Variants in MGA observed in about 807,000 individuals in gnomAD.
MGA encodes the protein MAX gene-associated protein.
Under a neutral mutation model 261.1 loss-of-function variants are expected in MGA, and 40 were observed. The ratio of observed to expected loss-of-function variants is 0.15; its 90% CI spans 0.12 to 0.20. The LOEUF (loss-of-function observed/expected upper bound fraction) is 0.20, where lower values mean the gene tolerates loss of function less well. Among genes scored for constraint, MGA ranks in the 10% least tolerant of loss-of-function variants. MGA has a pLI of 1.00. For synonymous variants in MGA, 1,302 were observed against 1,290.6 expected (o/e 1.01, Z -0.19); for missense variants, 3,397 against 3,630.5 (o/e 0.94, Z 1.65).
intron 5 of MGA, 22 bp downstream of exon 5, chr15:41,699,181 T>C: frequency 6.9e-7 from 1 of 1,450,368 alleles, no homozygotes; most frequent in Non-Finnish European, 9.3e-7. Context: ...GCGACTTCTT[T>C]TTTTTTGTTT....
At chr15:41,652,630 C>T (rs2057090294) in intron 1 of MGA, among the ~76,000 whole-genome samples, 1 of 151,388 alleles carries the variant, frequency 6.6e-6, no homozygotes, top group South Asian at 2.1e-4. Flanking sequence ...TCTTGGCCTA[C>T]CAAAGTGCTG....
intron 8 of MGA, among the ~76,000 whole-genome samples, chr15:41,711,991 G>A (rs1418413448): frequency 1.3e-5 from 2 of 151,886 alleles, no homozygotes; most frequent in Admixed American, 6.6e-5. Context: ...CACCACGCCC[G>A]GCCTGAAAAT....
chr15:41,766,340 G>A lies in MGA; in HGVS notation c.8258G>A (p.Gly2753Glu), dbSNP rs2063796268. 8 of 1,613,834 alleles carry A rather than the reference G, an allele frequency of 5.0e-6. No homozygotes were observed. Among genetic ancestry groups the A allele is most frequent in the Non-Finnish European group, 5.1e-6 (6 of 1,179,820 alleles). The change falls in exon 24 of 24, where the codon GGG becomes GAG. Residue 2753 changes from glycine to glutamate, a missense_variant. Around this residue, in one of 9 missense-constraint regions of MGA, gnomAD observed 647 missense variants for 642.4 expected, o/e 1.01. Transcript: ENST00000219905. ...AAAAAGATTTCTGGTGATATGAGAGGGATTCAGTATAAATGGAAAGAGAGT... is the reference window on the plus strand; with the variant it reads ...AAAAAGATTTCTGGTGATATGAGAGAGATTCAGTATAAATGGAAAGAGAGT...
intron 2 of MGA, among the ~76,000 whole-genome samples, chr15:41,678,719 A>G (rs1219825694): frequency 6.6e-6 from 1 of 150,496 alleles, no homozygotes; most frequent in Non-Finnish European, 1.5e-5. Flanking sequence ...GTGAGCTGAG[A>G]TTGCACCACT....
intron 23 of MGA, among the ~76,000 whole-genome samples, chr15:41,765,692 T>C (rs1186528423): frequency 1.3e-5 from 2 of 152,232 alleles, no homozygotes; most frequent in Non-Finnish European, 2.9e-5. Flanking sequence ...AGCAGTTAAT[T>C]AGGTGAACAG....
chr15:41,765,904 C>T lies in MGA; in HGVS notation c.7922-100C>T. ...ATAAAAGTAGAGTGCTGAATTTAGA[C>T]TACAAATCCCTAAGATGGTTATATG... is the stretch of plus-strand genomic sequence containing the variant. On this transcript the variant is annotated intron_variant, in intron 23 of 23. Coordinates refer to ENST00000219905, the MANE Select transcript of MGA (RefSeq NM_001164273.2). 3 of 982,746 alleles carry T rather than the reference C, an allele frequency of 3.1e-6. 1 individual carries two copies. Among genetic ancestry groups the T allele is most frequent in the Non-Finnish European group, 4.5e-6 (3 of 671,814 alleles). The allele number at this position is 982,746 out of a possible 1,614,324, so 60.9% of individuals were successfully genotyped here.
At chr15:41,667,877 C>T (rs995879435) in intron 1 of MGA, among the ~76,000 whole-genome samples, 5 of 152,108 alleles carry the variant, frequency 3.3e-5, no homozygotes, top group Admixed American at 1.3e-4. Flanking sequence ...GATCTTGGCT[C>T]AGTGCACCTT....
chr15:41,679,507 T>C (rs1010148324), intron 2 of MGA, among the ~76,000 whole-genome samples: 3 of 152,260 alleles, frequency 2.0e-5, no homozygotes, highest in Admixed American at 6.5e-5. Flanking sequence ...TAAAAGTGTT[T>C]TGCTTTCTTA....
intron 8 of MGA, among the ~76,000 whole-genome samples, chr15:41,711,776 ACCTCCGCCT>A (rs1167139601): frequency 1.3e-5 from 2 of 151,758 alleles, no homozygotes; most frequent in Non-Finnish European, 2.9e-5. Context: ...GCTCACTGCA[ACCTCCGCCT>A]CCTGGGTTCA....
At chr15:41,688,626 A>G (rs1372803076) in intron 2 of MGA, among the ~76,000 whole-genome samples, 1 of 152,026 alleles carries the variant, frequency 6.6e-6, no homozygotes, top group South Asian at 2.1e-4. Flanking sequence ...AGTTTTAACC[A>G]TGTCATCTTG....
chr15:41,724,578 A>T (rs1420137157), intron 9 of MGA, among the ~76,000 whole-genome samples: 2 of 152,226 alleles, frequency 1.3e-5, no homozygotes, highest in East Asian at 3.8e-4. Flanking sequence ...TCTCAGCTAT[A>T]AGATGAGGCA....
chr15:41,670,046 C>T (rs2057957810), intron 2 of MGA, 88 bp downstream of exon 2: 3 of 1,053,592 alleles, frequency 2.8e-6, no homozygotes, highest in Admixed American at 2.7e-5. Flanking sequence ...CTGTGGAATG[C>T]TACAGATGTT....
rs117080459 is a variant in MGA at position 41,681,858 on chromosome 15, T to C, written c.1064+11900T>C. ...AACTTTGTTTTGTAGTAGTTAATTATTGCTTTTTTAAAAAATATATTTGTA... is the reference window on the plus strand; with the variant it reads ...AACTTTGTTTTGTAGTAGTTAATTACTGCTTTTTTAAAAAATATATTTGTA... On this transcript the variant is annotated intron_variant, in intron 2 of 23. Coordinates refer to ENST00000219905, the MANE Select transcript of MGA (RefSeq NM_001164273.2). 3.3e-3 allele frequency among the ~76,000 whole-genome samples: 500 copies of C among 152,310 alleles called. 7 individuals are homozygous for C. The South Asian group carries it at 0.035, about 11-fold the overall frequency.
chr15:41,637,429 T>C (rs1259036103), intron 1 of MGA, among the ~76,000 whole-genome samples: 1 of 152,222 alleles, frequency 6.6e-6, no homozygotes, highest in Non-Finnish European at 1.5e-5. Flanking sequence ...CTTGATCTCA[T>C]AGAGGTGGTA....
chr15:41,730,018 G>A (rs758067266), intron 11 of MGA, among the ~76,000 whole-genome samples: 47 of 151,882 alleles, frequency 3.1e-4, no homozygotes, highest in Non-Finnish European at 6.2e-4. Context: ...TCAGCCTCCT[G>A]GGTAACTGAG....
intron 1 of MGA, among the ~76,000 whole-genome samples, chr15:41,643,876 A>G (rs2056878082): frequency 6.6e-6 from 1 of 151,214 alleles, no homozygotes; most frequent in South Asian, 2.1e-4. Flanking sequence ...CCTTTTTGCC[A>G]TACTTAAGAA....
chr15:41,671,962 A>T (rs1162033351), intron 2 of MGA, among the ~76,000 whole-genome samples: 2 of 152,204 alleles, frequency 1.3e-5, no homozygotes, highest in African/African-American at 4.8e-5. Flanking sequence ...TTTAAACTTG[A>T]TTCTTCAGCC....
In MGA at chr15:41,663,869, T is replaced by A. The variant is rs538496693; in HGVS notation, c.-68+3344T>A. Among the ~76,000 whole-genome samples, 72 of 152,286 alleles carry A rather than the reference T, an allele frequency of 4.7e-4. 3 individuals are homozygous for A. The South Asian group carries it at 0.015, about 31-fold the overall frequency. ...TCTGAAACAGCTGAATATCCTTAAT[T>A]GACTGCCCTTTGATTAGAAAATTCA... On this transcript the variant is annotated intron_variant, in intron 1 of 23. Coordinates refer to ENST00000219905, the MANE Select transcript of MGA (RefSeq NM_001164273.2).
chr15:41,637,899 C>T (rs1168427336), intron 1 of MGA, among the ~76,000 whole-genome samples: 1 of 151,740 alleles, frequency 6.6e-6, no homozygotes, highest in African/African-American at 2.4e-5. Flanking sequence ...TGCCTGCCAC[C>T]CCATCTGGCT....
Sources: gnomAD v4.1 joint callset for allele counts (sites outside exome capture counted in the v4.1 genomes callset) on GRCh38, gnomAD v4.1.1 for gene constraint, gnomAD v4.1.1 regional missense constraint, MANE v1.5 for transcripts, NCBI Gene and HGNC (gene_info 2026-07-23, HGNC 2026-07-21) for gene names.